The following GAS5 variants were observed in gnomAD, a reference collection of about 807,000 sequenced individuals.
GAS5 encodes the protein growth arrest specific 5.
At chr1:173,865,406 T>C (rs765214131) in intron 6 of GAS5, 2 of 516,380 alleles carry the variant, frequency 3.9e-6, no homozygotes, top group African/African-American at 3.9e-5. Context: ...CCCATCTGCT[T>C]TAATTTTAAA....
At chr1:173,867,153 A>T (rs1557874853), upstream of GAS5, 3 of 588,866 alleles carry the variant, frequency 5.1e-6, no homozygotes, top group Admixed American at 3.1e-5. Context: ...CAGGTAACAT[A>T]CCATTCATTA....
upstream of GAS5, chr1:173,867,821 C>T (rs923225162): frequency 3.9e-6 from 2 of 512,742 alleles, no homozygotes; most frequent in Non-Finnish European, 7.8e-6. Flanking sequence ...ACCATATGTG[C>T]AATCCCCCAC....
At chr1:173,866,165 A>G (rs1654577621) in intron 4 of GAS5, 2 of 467,090 alleles carry the variant, frequency 4.3e-6, no homozygotes, top group South Asian at 1.5e-5. Context: ...ACTTGGATAC[A>G]GTTTCACTTA....
chr1:173,866,450 C>G, intron 3 of GAS5: 1 of 621,178 alleles, frequency 1.6e-6, no homozygotes. Context: ...GAGAGAAGCA[C>G]TAACATAGAT....
chr1:173,866,571 G>A, intron 2 of GAS5: 1 of 757,114 alleles, frequency 1.3e-6, no homozygotes, highest in Non-Finnish European at 2.4e-6. Context: ...TTAGGACCTG[G>A]GAAGAAACAA....
At chr1:173,867,402 G>A (rs1654918553), upstream of GAS5, 1 of 357,308 alleles carries the variant, frequency 2.8e-6, no homozygotes, top group African/African-American at 2.1e-5. Flanking sequence ...TGTAGTCCCA[G>A]TTACTTGGGA....
chr1:173,864,995 G>GT (rs1186985031), intron 6 of GAS5: 3 of 480,972 alleles, frequency 6.2e-6, no homozygotes, highest in African/African-American at 2.0e-5. Flanking sequence ...AGTGCGGGCA[G>GT]TATCACTTGA....
exon 6 of GAS5, chr1:173,865,536 C>G: frequency 1.9e-6 from 1 of 514,762 alleles, no homozygotes. Context: ...TGGATAAAAA[C>G]GTTACCAGGA....
chr1:173,868,441 AC>A, upstream of GAS5: 1 of 152,764 alleles, frequency 6.5e-6, no homozygotes, highest in Non-Finnish European at 1.5e-5. Flanking sequence ...CGGGCCCCAC[AC>A]CCCAGTGCCA....
chr1:173,864,024 G>A (rs529592538), intron 7 of GAS5: 1 of 361,428 alleles, frequency 2.8e-6, no homozygotes, highest in African/African-American at 2.1e-5. Flanking sequence ...GAAGTTTGAG[G>A]CTGTAGTAAG....
chr1:173,867,461 G>A (rs1654931380), upstream of GAS5: 1 of 359,738 alleles, frequency 2.8e-6, no homozygotes, highest in African/African-American at 2.1e-5. Context: ...GCCATTAACC[G>A]ATGTCGAGCC....
At chr1:173,867,921 C>T (rs1655068539), upstream of GAS5, 3 of 366,066 alleles carry the variant, frequency 8.2e-6, no homozygotes, top group South Asian at 6.0e-5. Context: ...AAGGCTGGAG[C>T]GCCCCAAAAC....
upstream of GAS5, chr1:173,867,625 C>T (rs764296770): frequency 1.9e-6 from 1 of 518,308 alleles, no homozygotes; most frequent in African/African-American, 1.9e-5. Context: ...CTGATGGAGG[C>T]TCGGGTCACG....
intron 6 of GAS5, chr1:173,864,490 T>G (rs1654248396): frequency 5.9e-6 from 3 of 505,182 alleles, no homozygotes; most frequent in East Asian, 5.5e-5. Flanking sequence ...TCACCTAGTT[T>G]AGGATAACAG....
intron 4 of GAS5, chr1:173,865,941 C>T: frequency 1.9e-6 from 1 of 519,128 alleles, no homozygotes; most frequent in South Asian, 1.4e-5. Flanking sequence ...GAGTGTTCAC[C>T]CCCTGCCAAA....
At chr1:173,865,458 A>G (rs747663862) in intron 6 of GAS5, 3 of 510,868 alleles carry the variant, frequency 5.9e-6, no homozygotes, top group Middle Eastern at 3.4e-4. Flanking sequence ...GTTAACATCA[A>G]TAAAACATGT....
chr1:173,866,454 CAT>C (rs1010958206), intron 3 of GAS5: 14 of 622,594 alleles, frequency 2.2e-5, no homozygotes, highest in East Asian at 3.3e-5. Context: ...GAAGCACTAA[CAT>C]AGATAATCAT....
upstream of GAS5, chr1:173,867,592 C>A (rs1184496562): frequency 3.9e-6 from 2 of 514,330 alleles, no homozygotes; most frequent in African/African-American, 3.9e-5. Flanking sequence ...CTACCACCGA[C>A]AGCCTTTCAT....
upstream of GAS5, chr1:173,867,051 G>A (rs1654823733): frequency 1.4e-6 from 1 of 712,426 alleles, no homozygotes. Context: ...TACCTAAAGA[G>A]ATCAGGTACA....
Sources: allele counts gnomAD v4.1 joint callset, GRCh38; gene constraint gnomAD v4.1.1; transcripts MANE v1.5; gene names NCBI Gene and HGNC (gene_info 2026-07-23, HGNC 2026-07-21).